Variants in LETM1 observed in about 807,000 individuals in gnomAD.
LETM1 encodes the protein mitochondrial proton/calcium exchanger protein.
Under a neutral mutation model 74.5 loss-of-function variants are expected in LETM1, and 50 were observed. The observed-to-expected ratio is 0.67, with a 90% CI of 0.53 to 0.85. The LOEUF (loss-of-function observed/expected upper bound fraction) is 0.85. Ranked by LOEUF, LETM1 falls within the 40% of genes least tolerant of loss-of-function variation. LETM1 has a pLI of 0.00. For missense variants in LETM1, 824 were observed against 967.8 expected (o/e 0.85, Z 1.97); for synonymous variants, 446 against 407.1 (o/e 1.10, Z -1.15).
chr4:1,854,849 G>A (rs979650576), intron 1 of LETM1, among the ~76,000 whole-genome samples: 6 of 151,888 alleles, frequency 4.0e-5, no homozygotes, highest in African/African-American at 1.5e-4. Context: ...ATACATTCAG[G>A]GCAACTTCAA....
intron 7 of LETM1, among the ~76,000 whole-genome samples, chr4:1,824,439 C>T (rs1711908914): frequency 6.6e-6 from 1 of 152,200 alleles, no homozygotes; most frequent in African/African-American, 2.4e-5. Context: ...CCGGGGCTGG[C>T]TGCTTGAGTA....
At chr4:1,826,075 G>C (rs950590089) in intron 6 of LETM1, among the ~76,000 whole-genome samples, 46 of 152,186 alleles carry the variant, frequency 3.0e-4, no homozygotes, top group Admixed American at 2.2e-3. Flanking sequence ...GACACATCTT[G>C]ACCTCATACC....
chr4:1,820,138 G>A (rs1711725292), intron 10 of LETM1, among the ~76,000 whole-genome samples: 1 of 152,160 alleles, frequency 6.6e-6, no homozygotes, highest in Non-Finnish European at 1.5e-5. Flanking sequence ...GTCTCACTAT[G>A]TTGCCCAGGC....
At chr4:1,850,775 G>T (rs981967233) in intron 1 of LETM1, among the ~76,000 whole-genome samples, 2 of 151,722 alleles carry the variant, frequency 1.3e-5, no homozygotes, top group African/African-American at 4.8e-5. Flanking sequence ...GACCAGCCTG[G>T]CCCACATGGT....
chr4:1,818,546 G>A (rs1711658358), intron 11 of LETM1, among the ~76,000 whole-genome samples: 1 of 151,938 alleles, frequency 6.6e-6, no homozygotes, highest in Admixed American at 6.6e-5. Flanking sequence ...CCAGGAGGCG[G>A]AAGTTGCAGT....
chr4:1,822,903 A>G, intron 9 of LETM1, 85 bp downstream of exon 9: 1 of 1,194,928 alleles, frequency 8.4e-7, no homozygotes, highest in Non-Finnish European at 1.1e-6. Context: ...AGCATGCGGG[A>G]GGCCAAGACT....
Position 1,823,691 on chromosome 4 carries a change from G to C in LETM1, c.1285C>G (p.Pro429Ala). The change falls in exon 8 of 14, where the codon CCA becomes GCA. Residue 429 changes from proline to alanine, a missense_variant. Transcript: ENST00000302787. ...RAMYLPDTLS[P>A]ADQLKSTLQT... Reference sequence around the variant, plus strand: ...AGTGTGGACTTGAGCTGGTCGGCTGGAGAGAGGGTGTCCGGGAGGTACATG... The same window carrying C: ...AGTGTGGACTTGAGCTGGTCGGCTGCAGAGAGGGTGTCCGGGAGGTACATG... 2 of 1,613,970 alleles carry C rather than the reference G, an allele frequency of 1.2e-6. No individual in the cohort carries two copies. Among genetic ancestry groups the C allele is most frequent in the Non-Finnish European group, 1.7e-6 (2 of 1,179,958 alleles).
Position 1,823,700 on chromosome 4 carries a change from T to C in LETM1, c.1276A>G (p.Thr426Ala). The C allele has an allele frequency of 6.2e-7, 1 of 1,613,700 alleles. No homozygotes were observed. The highest frequency in any genetic ancestry group is 1.1e-5 in the South Asian group (1 of 91,064). ...TTGAGCTGGTCGGCTGGAGAGAGGG[T>C]GTCCGGGAGGTACATGGCCCGGGAC... ...ILSRAMYLPDTLSPADQLKST... is the reference protein window; with the variant it reads ...ILSRAMYLPDALSPADQLKST... The change falls in exon 8 of 14, where the codon ACC (threonine) becomes GCC (alanine). Residue 426 changes from threonine (T) to alanine (A), a missense_variant. Around this residue, in one of 4 missense-constraint regions of LETM1, gnomAD observed 172 missense variants for 170.7 expected, o/e 1.01. Transcript: ENST00000302787.
In LETM1 at chr4:1,843,263, C is replaced by T. The variant is rs564979592; in HGVS notation, c.144-1466G>A. ...ACGGTACCTGCAACATGGGAACACC[C>T]ACCAACGACGTGGCTCTCGTGATTA... On this transcript the variant is annotated intron_variant, in intron 2 of 13. Coordinates refer to ENST00000302787, the MANE Select transcript of LETM1 (RefSeq NM_012318.3). 2.0e-5 allele frequency: 3 copies of T among 152,806 alleles called. No homozygotes were observed. In the East Asian group the frequency reaches 5.8e-4, roughly 29 times the overall value. 9.5% of individuals were successfully genotyped at this position (152,806 alleles called of 1,614,324 possible).
chr4:1,834,333 G>A lies in LETM1; in HGVS notation c.876+512C>T, dbSNP rs1712388637. The A allele has an allele frequency of 3.1e-6, 3 of 956,920 alleles. No homozygotes were observed. The highest frequency in any genetic ancestry group is 3.7e-6 in the Non-Finnish European group (3 of 803,558). The allele number at this position is 956,920 out of a possible 1,614,324, so 59.3% of individuals were successfully genotyped here. A position where few individuals can be genotyped will look rare whatever the true frequency, so the allele number is the denominator to read the frequency against. ...CCCCATCTAGTCCTCAGGGATCTCG[G>A]TCCGTGGCAGCTGCCGTCTCCCCAT... On this transcript the variant is annotated intron_variant, in intron 5 of 13. Coordinates refer to ENST00000302787, the MANE Select transcript of LETM1 (RefSeq NM_012318.3). This position sits in a 1 kb window ranked among gnomAD's most constrained non-coding sequence, Gnocchi z 5.0.
At chr4:1,828,275 G>A (rs1175562533) in intron 6 of LETM1, among the ~76,000 whole-genome samples, 2 of 137,660 alleles carry the variant, frequency 1.5e-5, no homozygotes, top group African/African-American at 2.8e-5. Context: ...CCGGGCGGGG[G>A]GCTGACCCCC....
intron 6 of LETM1, among the ~76,000 whole-genome samples, chr4:1,830,579 C>T (rs1440108046): frequency 3.9e-5 from 6 of 152,230 alleles, no homozygotes; most frequent in Admixed American, 3.9e-4. Context: ...AGCAGTCCTC[C>T]CACCTTGGCC....
intron 6 of LETM1, among the ~76,000 whole-genome samples, chr4:1,829,685 T>C (rs1020989728): frequency 6.6e-5 from 10 of 152,154 alleles, no homozygotes; most frequent in African/African-American, 2.4e-4. Flanking sequence ...GCCGGTGTGG[T>C]GGCACAGGCC....
At chr4:1,835,749 C>T (rs1577320785) in intron 4 of LETM1, among the ~76,000 whole-genome samples, 1 of 152,062 alleles carries the variant, frequency 6.6e-6, no homozygotes, top group Non-Finnish European at 1.5e-5. Flanking sequence ...CCTATAGCAC[C>T]GGTAGGGGAG....
chr4:1,842,422 A>G (rs1712733396), intron 2 of LETM1, among the ~76,000 whole-genome samples: 1 of 152,174 alleles, frequency 6.6e-6, no homozygotes, highest in Admixed American at 6.5e-5. Context: ...CTCCAAGCCC[A>G]GAGCCTCACA....
chr4:1,815,718 G>A lies in LETM1; in HGVS notation c.2016C>T (p.Ala672=), dbSNP rs369951950. 1.3e-5 allele frequency: 21 copies of A among 1,614,090 alleles called. No individual in the cohort carries two copies. The highest frequency in any genetic ancestry group is 3.3e-4 in the Middle Eastern group (2 of 6,082). The part of the protein sequence containing the change: ...HIPESKLTSL[A]AALDENKDGK... ...CATCCTTGTTTTCATCCAGTGCTGC[G>A]GCCAGGCTGGTGAGCTTGCTTTCGG... Residue 672 remains alanine (A), a synonymous_variant, in exon 13 of 14, where the codon GCC becomes GCT. Transcript: ENST00000302787.
rs138194836 is a variant in LETM1 at position 1,844,153 on chromosome 4, C to G, written c.144-2356G>C. 1.1e-4 allele frequency among the ~76,000 whole-genome samples: 17 copies of G among 152,322 alleles called. No homozygotes were observed. In the East Asian group the frequency reaches 3.3e-3, roughly 29 times the overall value. Reference sequence around the variant, plus strand: ...AAGCACACGATGGACTCAGTGAAGGCAGGGAGCCATCCAGAGTTGGGCACA... The same window carrying G: ...AAGCACACGATGGACTCAGTGAAGGGAGGGAGCCATCCAGAGTTGGGCACA... On this transcript the variant is annotated intron_variant, in intron 2 of 13. Coordinates refer to ENST00000302787, the MANE Select transcript of LETM1 (RefSeq NM_012318.3).
rs781349878 is a variant in LETM1 at position 1,814,608 on chromosome 4, T to C, written c.2071-35A>G. The C allele has an allele frequency of 2.5e-6, 4 of 1,595,258 alleles. No individual in the cohort carries two copies. The Admixed American group carries it at 5.0e-5, about 20-fold the overall frequency. Reference sequence around the variant, plus strand: ...TGGGAAAGGGAGAGGCTCAGGTGGCTGCGCCCTACAGCACAGTGAGGCAGA... The same window carrying C: ...TGGGAAAGGGAGAGGCTCAGGTGGCCGCGCCCTACAGCACAGTGAGGCAGA... On this transcript the variant is annotated intron_variant, in intron 13 of 13. Transcript: ENST00000302787.
At chr4:1,850,444 T>A (rs534350232) in intron 1 of LETM1, among the ~76,000 whole-genome samples, 14 of 152,166 alleles carry the variant, frequency 9.2e-5, no homozygotes, top group African/African-American at 3.1e-4. Flanking sequence ...GGTGGAAACA[T>A]GACCTCTATG....
Sources: allele counts gnomAD v4.1 joint callset (sites outside exome capture counted in the v4.1 genomes callset), GRCh38; gene constraint gnomAD v4.1.1; regional missense constraint gnomAD v4.1.1; non-coding constraint Gnocchi (gnomAD v3.1); transcripts MANE v1.5; gene names NCBI Gene and HGNC (gene_info 2026-07-23, HGNC 2026-07-21).